Variants in LRRTM4 observed in about 807,000 individuals in gnomAD.
LRRTM4 encodes leucine rich repeat transmembrane neuronal 4, also known as leucine-rich repeat transmembrane neuronal protein 4.
A neutral mutation model predicts 47.6 loss-of-function variants in LRRTM4; 25 were observed. The ratio of observed to expected loss-of-function variants is 0.53; its 90% CI spans 0.38 to 0.73. The LOEUF is 0.73. Ranked by LOEUF, LRRTM4 falls within the 30% of genes least tolerant of loss-of-function variation. The pLI is 0.00. For synonymous variants in LRRTM4, 311 were observed against 269.5 expected, an observed-to-expected ratio of 1.15 and a Z score of -1.51; for missense variants, 638 against 713.4, an observed-to-expected ratio of 0.89 and a Z score of 1.20.
intron 3 of LRRTM4, among the ~76,000 whole-genome samples, chr2:76,828,562 A>C (rs938455200): frequency 6.6e-6 from 1 of 151,970 alleles, no homozygotes; most frequent in Non-Finnish European, 1.5e-5. Flanking sequence ...GTATAGGTTC[A>C]TTAGAAAGTT....
chr2:76,980,085 A>G (rs975482217), intron 3 of LRRTM4, among the ~76,000 whole-genome samples: 9 of 152,184 alleles, frequency 5.9e-5, no homozygotes, highest in Admixed American at 2.6e-4. Context: ...CTATCTCTAC[A>G]TAACTAAAAT....
intron 3 of LRRTM4, among the ~76,000 whole-genome samples, chr2:76,988,590 A>G (rs535990572): frequency 8.6e-5 from 13 of 151,996 alleles, no homozygotes; most frequent in Non-Finnish European, 1.5e-4. Flanking sequence ...AAGAAACAAT[A>G]AAACCTTTTA....
chr2:77,316,634 G>C (rs952865069), intron 3 of LRRTM4, among the ~76,000 whole-genome samples: 29 of 151,274 alleles, frequency 1.9e-4, no homozygotes, highest in Non-Finnish European at 3.1e-4. Context: ...TGCAACCCCT[G>C]CCTCCTAGAT....
At chr2:76,818,923 G>A (rs1378263719) in intron 3 of LRRTM4, among the ~76,000 whole-genome samples, 2 of 151,700 alleles carry the variant, frequency 1.3e-5, no homozygotes, top group Non-Finnish European at 2.9e-5. Flanking sequence ...TACTAGTAAA[G>A]TCAGTTTTAA....
chr2:77,141,429 C>T (rs1464786723), intron 3 of LRRTM4, among the ~76,000 whole-genome samples: 2 of 137,744 alleles, frequency 1.5e-5, no homozygotes, highest in Non-Finnish European at 3.0e-5. Flanking sequence ...AATGAGAACA[C>T]TTGGACACAG....
At chr2:77,322,916 T>A (rs58663282) in intron 3 of LRRTM4, among the ~76,000 whole-genome samples, 61 of 151,662 alleles carry the variant, frequency 4.0e-4, no homozygotes, top group African/African-American at 1.4e-3. Context: ...ATCTGATAAC[T>A]GTTACATGGA....
chr2:77,248,347 A>G (rs1346349751), intron 3 of LRRTM4, among the ~76,000 whole-genome samples: 2 of 151,972 alleles, frequency 1.3e-5, no homozygotes, highest in Non-Finnish European at 2.9e-5. Flanking sequence ...CTAACAAAGC[A>G]TGTACAAGAT....
chr2:76,988,782 C>T (rs926141122), intron 3 of LRRTM4, among the ~76,000 whole-genome samples: 11 of 150,720 alleles, frequency 7.3e-5, no homozygotes, highest in East Asian at 2.0e-4. Context: ...TTCTTCCCCA[C>T]GCGTTACCTG....
At chr2:76,929,311 G>T (rs986577310) in intron 3 of LRRTM4, among the ~76,000 whole-genome samples, 1 of 152,226 alleles carries the variant, frequency 6.6e-6, no homozygotes, top group Non-Finnish European at 1.5e-5. Flanking sequence ...ACCACATCGA[G>T]CCTACAGTAC....
Position 76,748,783 on chromosome 2 carries a change from C to T in LRRTM4, c.1685G>A (p.Gly562Asp). The T allele has an allele frequency of 1.9e-6, 3 of 1,613,986 alleles. No individual in the cohort carries two copies. Among genetic ancestry groups the T allele is most frequent in the Non-Finnish European group, 2.5e-6 (3 of 1,179,884 alleles). The change falls in exon 4 of 4, where the codon GGC (glycine) becomes GAC (aspartate). Residue 562 changes from glycine (G) to aspartate (D), a missense_variant. By Grantham distance (94) the Gly-to-Asp change is moderately conservative. Coordinates refer to ENST00000409884, the MANE Select transcript of LRRTM4 (RefSeq NM_001134745.3). Reference sequence around the variant, plus strand: ...GCTGTGGTCTCGGCCCAGCTCCAGGCCGGGGCTTTCGTCCTGCTCTGGAGA... The same window carrying T: ...GCTGTGGTCTCGGCCCAGCTCCAGGTCGGGGCTTTCGTCCTGCTCTGGAGA... ...TVSPEQDESP[G>D]LELGRDHSFI...
At chr2:77,516,742 G>C (rs1446287330) in intron 3 of LRRTM4, 1 of 966,244 alleles carries the variant, frequency 1.0e-6, no homozygotes, top group Non-Finnish European at 1.2e-6. Context: ...TTTATTATCT[G>C]GGATTACTTC....
intron 3 of LRRTM4, among the ~76,000 whole-genome samples, chr2:76,939,153 G>C (rs1675051854): frequency 1.3e-5 from 2 of 150,718 alleles, no homozygotes; most frequent in South Asian, 4.2e-4. Context: ...ACCTGTTACT[G>C]AAAAAAAAAT....
intron 3 of LRRTM4, among the ~76,000 whole-genome samples, chr2:77,296,391 C>T (rs1415938666): frequency 6.6e-6 from 1 of 151,854 alleles, no homozygotes; most frequent in Non-Finnish European, 1.5e-5. Flanking sequence ...TTTTTTTGGC[C>T]TATTTATTCA....
At chr2:77,342,929 C>T (rs919780979) in intron 3 of LRRTM4, among the ~76,000 whole-genome samples, 1 of 151,952 alleles carries the variant, frequency 6.6e-6, no homozygotes, top group African/African-American at 2.4e-5. Flanking sequence ...CCATAAGCAC[C>T]TCTCTCAAGG....
At chr2:76,767,958 A>T (rs530248422) in intron 3 of LRRTM4, among the ~76,000 whole-genome samples, 1 of 152,324 alleles carries the variant, frequency 6.6e-6, no homozygotes, top group South Asian at 2.1e-4. Flanking sequence ...TGTTAGGCAT[A>T]AAATCATTTA....
chr2:76,990,654 T>C (rs1028643098), intron 3 of LRRTM4, among the ~76,000 whole-genome samples: 3 of 151,700 alleles, frequency 2.0e-5, no homozygotes, highest in Non-Finnish European at 4.4e-5. Flanking sequence ...ATAAAACAAA[T>C]AGGTCTAGAC....
chr2:77,344,427 T>C (rs1323246612), intron 3 of LRRTM4, among the ~76,000 whole-genome samples: 2 of 151,758 alleles, frequency 1.3e-5, no homozygotes, highest in Non-Finnish European at 2.9e-5. Context: ...GTGACCTTCA[T>C]AGAATAATGG....
At chr2:76,940,152 G>C (rs1298872355) in intron 3 of LRRTM4, among the ~76,000 whole-genome samples, 1 of 152,040 alleles carries the variant, frequency 6.6e-6, no homozygotes, top group Non-Finnish European at 1.5e-5. Flanking sequence ...TATACCTAAA[G>C]CTATGTAAGT....
intron 3 of LRRTM4, among the ~76,000 whole-genome samples, chr2:77,113,318 A>G (rs917006955): frequency 6.6e-6 from 1 of 152,150 alleles, no homozygotes; most frequent in Non-Finnish European, 1.5e-5. Context: ...CCTCAGTACA[A>G]AAAGTCTGTA....
Sources: gnomAD v4.1 joint callset for allele counts (sites outside exome capture counted in the v4.1 genomes callset) on GRCh38, gnomAD v4.1.1 for gene constraint, MANE v1.5 for transcripts, NCBI Gene and HGNC (gene_info 2026-07-23, HGNC 2026-07-21) for gene names.